Variants in TYW1 observed in about 807,000 individuals in gnomAD.
TYW1 encodes the protein S-adenosyl-L-methionine-dependent tRNA 4-demethylwyosine synthase TYW1.
In TYW1, 46 loss-of-function variants were observed where a neutral mutation model predicts 96.2. That is an observed-to-expected ratio of 0.48 (90% confidence interval 0.38 to 0.61). The LOEUF (loss-of-function observed/expected upper bound fraction) is 0.61, where lower values mean the gene tolerates loss of function less well. Among genes scored for constraint, TYW1 ranks in the 20% least tolerant of loss-of-function variants. The probability of loss-of-function intolerance (pLI) is 0.00; values close to 1 mark genes in which losing one functional copy is unlikely to be tolerated. For synonymous variants in TYW1, 274 were observed against 323.0 expected, an observed-to-expected ratio of 0.85 and a Z score of 1.63; for missense variants, 684 against 909.6, an observed-to-expected ratio of 0.75 and a Z score of 3.19.
chr7:67,044,658 T>G (rs191319904), intron 7 of TYW1, among the ~76,000 whole-genome samples: 2 of 152,128 alleles, frequency 1.3e-5, no homozygotes, highest in Non-Finnish European at 2.9e-5. Flanking sequence ...CAGAGTCTGT[T>G]GCCCAGGCTG....
intron 15 of TYW1, among the ~76,000 whole-genome samples, chr7:67,211,214 C>T (rs1404416664): frequency 7.0e-6 from 1 of 142,900 alleles, no homozygotes; most frequent in Non-Finnish European, 1.5e-5. Flanking sequence ...CTTTCTGGCA[C>T]TACAAGATTC....
intron 4 of TYW1, 51 bp downstream of exon 4, chr7:67,009,735 G>T: frequency 7.0e-7 from 1 of 1,436,418 alleles, no homozygotes; most frequent in Non-Finnish European, 9.5e-7. Flanking sequence ...TAACTGATCT[G>T]CAATCTTCAC....
intron 13 of TYW1, among the ~76,000 whole-genome samples, chr7:67,138,550 G>A (rs1584608496): frequency 2.0e-5 from 3 of 152,102 alleles, no homozygotes; most frequent in East Asian, 3.9e-4. Context: ...AACCTGTTGT[G>A]CTATCAAAGA....
rs71049495 is a variant in TYW1 at position 67,080,940 on chromosome 7, G to GTTTTTTTTTTT, written c.1275-2473_1275-2463dup. Among the ~76,000 whole-genome samples the GTTTTTTTTTTT allele has an allele frequency of 1.5e-3, 57 of 37,252 alleles. 5 individuals are homozygous for GTTTTTTTTTTT. Among genetic ancestry groups the GTTTTTTTTTTT allele is most frequent in the Non-Finnish European group, 1.9e-3 (40 of 20,742 alleles). The allele number at this position is 37,252 out of a possible 152,430, so 24.4% of individuals were successfully genotyped here. ...TGTATATTGTTTTTGCTTTCTTACT[G>GTTTTTTTTTTT]TTTTTTTTTTTTTTTTTTTTTTTTT... On this transcript the variant is annotated intron_variant, in intron 10 of 15. Coordinates refer to ENST00000359626, the MANE Select transcript of TYW1 (RefSeq NM_018264.4).
chr7:67,068,521 C>G (rs1231295471), intron 10 of TYW1, among the ~76,000 whole-genome samples: 1 of 152,186 alleles, frequency 6.6e-6, no homozygotes, highest in Non-Finnish European at 1.5e-5. Context: ...GGAGGCCACT[C>G]CTTCTGTTGG....
chr7:67,175,286 C>G (rs1799637593), intron 13 of TYW1, among the ~76,000 whole-genome samples: 1 of 151,986 alleles, frequency 6.6e-6, no homozygotes, highest in Non-Finnish European at 1.5e-5. Flanking sequence ...ATTCTCGTGC[C>G]TCAGCCCCAC....
chr7:67,061,407 T>A (rs1216059316), intron 9 of TYW1, among the ~76,000 whole-genome samples: 5 of 152,150 alleles, frequency 3.3e-5, no homozygotes, highest in Non-Finnish European at 7.3e-5. Context: ...ATATTACAGT[T>A]TTTCTATAGA....
chr7:67,145,801 C>T (rs1265550048), intron 13 of TYW1, among the ~76,000 whole-genome samples: 1 of 152,150 alleles, frequency 6.6e-6, no homozygotes, highest in Non-Finnish European at 1.5e-5. Context: ...GTTGCCCAGG[C>T]TGGAGCACAG....
At chr7:67,071,498 G>C (rs1796028714) in intron 10 of TYW1, among the ~76,000 whole-genome samples, 1 of 151,642 alleles carries the variant, frequency 6.6e-6, no homozygotes. Flanking sequence ...TGTCACCCAG[G>C]CTGTAGTACA....
intron 13 of TYW1, among the ~76,000 whole-genome samples, chr7:67,161,482 C>T (rs964656648): frequency 3.9e-5 from 6 of 152,160 alleles, no homozygotes; most frequent in African/African-American, 1.4e-4. Context: ...TTTTGGTTTG[C>T]AGGCTCATCT....
At chr7:67,054,383 A>G (rs1795447311) in intron 8 of TYW1, among the ~76,000 whole-genome samples, 1 of 152,238 alleles carries the variant, frequency 6.6e-6, no homozygotes, top group Admixed American at 6.5e-5. Flanking sequence ...TAGTATGAAC[A>G]GTATAATATG....
intron 6 of TYW1, among the ~76,000 whole-genome samples, chr7:67,020,668 C>G (rs896101452): frequency 1.1e-4 from 16 of 152,284 alleles, no homozygotes; most frequent in African/African-American, 3.9e-4. Flanking sequence ...TTGAATTTCT[C>G]CATTGTCATC....
chr7:67,219,259 T>C (rs1230777090), intron 15 of TYW1, among the ~76,000 whole-genome samples: 3 of 152,204 alleles, frequency 2.0e-5, no homozygotes, highest in Non-Finnish European at 4.4e-5. Context: ...CCAGGGCATA[T>C]AATTCTTTTA....
chr7:67,019,978 T>G (rs1794185330), intron 6 of TYW1, among the ~76,000 whole-genome samples: 1 of 152,270 alleles, frequency 6.6e-6, no homozygotes, highest in South Asian at 2.1e-4. Flanking sequence ...CAACAGGAAG[T>G]GATATGACAG....
rs778743156 is a variant in TYW1 at position 67,032,885 on chromosome 7, C to CTTTTTTTTTTTTTTTTTTTTT, written c.984+7872_984+7892dup. On this transcript the variant is annotated intron_variant, in intron 7 of 15. Transcript: ENST00000359626. ...ATTTTCCAGCAGCAGAGAAGTATAC[C>CTTTTTTTTTTTTTTTTTTTTT]TTTTTTTTTTTTTTTTTTTTTTTTT... Among the ~76,000 whole-genome samples, 4 of 76,276 alleles carry CTTTTTTTTTTTTTTTTTTTTT rather than the reference C, an allele frequency of 5.2e-5. 1 individual carries two copies. Among genetic ancestry groups the CTTTTTTTTTTTTTTTTTTTTT allele is most frequent in the African/African-American group, 1.8e-4 (3 of 16,650 alleles). 50.0% of individuals were successfully genotyped at this position (76,276 alleles called of 152,430 possible).
At chr7:67,131,561 TTGG>T in intron 13 of TYW1, among the ~76,000 whole-genome samples, 1 of 152,326 alleles carries the variant, frequency 6.6e-6, no homozygotes, top group East Asian at 1.9e-4. Context: ...TATTTCATGT[TTGG>T]TGTTTATCAT....
chr7:67,004,748 G>T (rs1453039108), intron 3 of TYW1, among the ~76,000 whole-genome samples: 1 of 151,832 alleles, frequency 6.6e-6, no homozygotes, highest in Non-Finnish European at 1.5e-5. Flanking sequence ...TGAAATTCTT[G>T]GTTGAAATTT....
chr7:66,996,932 G>A lies in TYW1; in HGVS notation c.-47G>A, dbSNP rs368618506. On this transcript the variant is annotated 5_prime_UTR_variant, in exon 1 of 16. Transcript: ENST00000359626. ...TCTCGCGGTACCAGTGCGAATCATCGGGCTATCCAGGTCCGAGATCCTAGT... is the reference window on the plus strand; with the variant it reads ...TCTCGCGGTACCAGTGCGAATCATCAGGCTATCCAGGTCCGAGATCCTAGT... 6.2e-7 allele frequency: 1 copy of A among 1,613,602 alleles called. No homozygotes were observed. The highest frequency in any genetic ancestry group is 8.5e-7 in the Non-Finnish European group (1 of 1,179,854).
At position 67,183,225 on chromosome 7, in the gene TYW1, A is replaced by T; in HGVS notation, c.1798A>T (p.Ile600Phe). 2.5e-6 allele frequency: 4 copies of T among 1,602,968 alleles called. No individual in the cohort carries two copies. The highest frequency in any genetic ancestry group is 3.4e-6 in the Non-Finnish European group (4 of 1,174,420). The change falls in exon 14 of 16, where the codon ATC becomes TTC. Residue 600 changes from isoleucine to phenylalanine, a missense_variant. Transcript: ENST00000359626. ...QLVSLGNPDF[I>F]EVKGVTYCGE... is the part of the protein sequence containing the mutation. Reference sequence around the variant, plus strand: ...CGTGTCCCTGGGGAATCCTGACTTCATCGAAGTGAAGGTAAGCCCCTGCTG... The same window carrying T: ...CGTGTCCCTGGGGAATCCTGACTTCTTCGAAGTGAAGGTAAGCCCCTGCTG...
Sources: gnomAD v4.1 joint callset for allele counts (sites outside exome capture counted in the v4.1 genomes callset) on GRCh38, gnomAD v4.1.1 for gene constraint, MANE v1.5 for transcripts, NCBI Gene and HGNC (gene_info 2026-07-23, HGNC 2026-07-21) for gene names.